C2CD3: variants seen among roughly 807,000 people sequenced by gnomAD.
The protein encoded by C2CD3 is C2 domain containing 3 centriole elongation regulator.
A neutral mutation model predicts 234.0 loss-of-function variants in C2CD3; 148 were observed. The ratio of observed to expected loss-of-function variants is 0.63; its 90% CI spans 0.55 to 0.72. C2CD3 has a LOEUF of 0.72. Ranked by LOEUF, C2CD3 falls within the 30% of genes least tolerant of loss-of-function variation. The pLI is 0.00. For synonymous variants in C2CD3, 1,000 were observed against 1,035.4 expected (o/e 0.97, Z 0.66); for missense variants, 2,577 against 2,811.5 (o/e 0.92, Z 1.89).
chr11:74,082,324 C>A (rs1418799903), intron 22 of C2CD3, among the ~76,000 whole-genome samples: 1 of 151,998 alleles, frequency 6.6e-6, no homozygotes, highest in Admixed American at 6.6e-5. Context: ...ACCTTGTTAG[C>A]CAGGATGGTC....
At position 74,033,654 on chromosome 11, in the gene C2CD3, G is replaced by A; in HGVS notation, c.6506C>T (p.Ser2169Leu). 6.5e-7 allele frequency: 1 copy of A among 1,536,222 alleles called. No individual in the cohort carries two copies. Among genetic ancestry groups the A allele is most frequent in the Non-Finnish European group, 8.7e-7 (1 of 1,146,922 alleles). Residue 2169 changes from serine (S) to leucine (L), a missense_variant, in exon 31 of 33, where the codon TCA becomes TTA. Ser to Leu is a moderately radical substitution (Grantham distance 145, BLOSUM62 -2). Coordinates refer to ENST00000334126, the MANE Select transcript of C2CD3 (RefSeq NM_001286577.2). ...SKARVGGESA[S>L]ANPQPIPCPT... is the part of the protein sequence containing the mutation. ...GCATGGGATGGGCTGAGGGTTGGCT[G>A]AGGCAGACTCGCCACCAACCCTGGC...
chr11:74,016,609 A>C (rs1325327248), intron 32 of C2CD3: 1 of 152,330 alleles, frequency 6.6e-6, no homozygotes, highest in African/African-American at 2.4e-5. Context: ...ACTCAGCAGC[A>C]TTTTGCTTTT....
intron 7 of C2CD3, among the ~76,000 whole-genome samples, chr11:74,128,098 C>T (rs916374064): frequency 3.9e-5 from 6 of 152,146 alleles, no homozygotes; most frequent in African/African-American, 1.4e-4. Flanking sequence ...CTCCTGACCT[C>T]GTGATCCGCC....
chr11:74,130,460 C>T (rs572179159), intron 7 of C2CD3, among the ~76,000 whole-genome samples: 1 of 152,118 alleles, frequency 6.6e-6, no homozygotes, highest in African/African-American at 2.4e-5. Flanking sequence ...TCTCAAACTC[C>T]TGGCCTCAAA....
At chr11:74,147,160 A>T (rs1855262979) in intron 3 of C2CD3, among the ~76,000 whole-genome samples, 1 of 152,206 alleles carries the variant, frequency 6.6e-6, no homozygotes, top group Admixed American at 6.5e-5. Flanking sequence ...TCACACAAAT[A>T]ATTCCAGCAT....
At chr11:74,137,567 T>TTA (rs201223239) in intron 5 of C2CD3, among the ~76,000 whole-genome samples, 1,839 of 149,516 alleles carry the variant, frequency 0.012, 36 homozygotes, top group African/African-American at 0.041. Context: ...TTTTGGAATT[T>TTA]TATATATATA....
chr11:74,082,080 T>C (rs1353833529), intron 22 of C2CD3, among the ~76,000 whole-genome samples: 1 of 151,988 alleles, frequency 6.6e-6, no homozygotes, highest in Non-Finnish European at 1.5e-5. Context: ...TCAAAGGGAA[T>C]GCTTCCAGTT....
At position 74,042,104 on chromosome 11, in the gene C2CD3, T is replaced by G; in HGVS notation, c.5610A>C (p.Lys1870Asn). 6.2e-7 allele frequency: 1 copy of G among 1,613,946 alleles called. No homozygotes were observed. ...GGGAGGACAAAGGTGATGTGGTCAG[T>G]TTGTCATCACATGGCAAGGGTGCCT... Reference protein sequence around the residue: ...QGEAPLPCDDKLTTSPLSSQT... With the variant: ...QGEAPLPCDDNLTTSPLSSQT... The change falls in exon 29 of 33, where the codon AAA (lysine) becomes AAC (asparagine). Residue 1870 changes from lysine (K) to asparagine (N), a missense_variant. Coordinates refer to ENST00000334126, the MANE Select transcript of C2CD3 (RefSeq NM_001286577.2).
At chr11:74,139,538 A>C in intron 4 of C2CD3, 67 bp downstream of exon 4, 1 of 1,124,980 alleles carries the variant, frequency 8.9e-7, no homozygotes, top group East Asian at 2.4e-5. Context: ...ACCATAAATG[A>C]AAGACAGAAA....
intron 3 of C2CD3, among the ~76,000 whole-genome samples, chr11:74,157,244 A>G (rs899068218): frequency 6.6e-6 from 1 of 152,222 alleles, no homozygotes; most frequent in Non-Finnish European, 1.5e-5. Flanking sequence ...TGTATTTCCA[A>G]TACTAGACTG....
intron 7 of C2CD3, chr11:74,128,586 C>G (rs1187690100): frequency 5.9e-5 from 9 of 151,684 alleles, no homozygotes; most frequent in Admixed American, 2.0e-4. Context: ...TTGGGTGTTT[C>G]TCGCAGAGGG....
intron 1 of C2CD3, among the ~76,000 whole-genome samples, chr11:74,170,410 T>C (rs1329720460): frequency 6.6e-6 from 1 of 152,178 alleles, no homozygotes; most frequent in African/African-American, 2.4e-5. Flanking sequence ...TTTCTTCCTG[T>C]CCCTGTGGAC....
At chr11:74,033,286 A>C (rs1952595665) in intron 31 of C2CD3, 65 bp downstream of exon 31, 1 of 1,389,844 alleles carries the variant, frequency 7.2e-7, no homozygotes, top group Non-Finnish European at 9.7e-7. Flanking sequence ...CCACTTGCTC[A>C]CACTCACACT....
At chr11:74,080,044 G>A (rs1402459542) in intron 22 of C2CD3, among the ~76,000 whole-genome samples, 2 of 152,064 alleles carry the variant, frequency 1.3e-5, no homozygotes, top group East Asian at 3.9e-4. Flanking sequence ...ACATAAATAG[G>A]CAGTTGCCTA....
chr11:74,017,846 G>A (rs1248999439), intron 32 of C2CD3, among the ~76,000 whole-genome samples: 1 of 152,224 alleles, frequency 6.6e-6, no homozygotes, highest in Non-Finnish European at 1.5e-5. Flanking sequence ...TCTGATCCCA[G>A]CCACTGTGTT....
rs756615167 is a variant in C2CD3, at chr11:74,042,091, G to A, written c.5623C>T (p.Pro1875Ser). The change falls in exon 29 of 33, where the codon CCT (proline) becomes TCT (serine). Residue 1875 changes from proline to serine, a missense_variant. By Grantham distance (74) the Pro-to-Ser change is moderately conservative. Transcript: ENST00000334126. Reference sequence around the variant, plus strand: ...AGAATGGAGGTTTGGGAGGACAAAGGTGATGTGGTCAGTTTGTCATCACAT... The same window carrying A: ...AGAATGGAGGTTTGGGAGGACAAAGATGATGTGGTCAGTTTGTCATCACAT... ...LPCDDKLTTS[P>S]LSSQTSILTS... 1.2e-6 allele frequency: 2 copies of A among 1,614,050 alleles called. No homozygotes were observed. Among genetic ancestry groups the A allele is most frequent in the Non-Finnish European group, 1.7e-6 (2 of 1,179,998 alleles).
intron 31 of C2CD3, 116 bp from the exon 32 acceptor site, chr11:74,028,514 C>A (rs1952397654): frequency 4.5e-6 from 3 of 673,044 alleles, no homozygotes; most frequent in Non-Finnish European, 7.4e-6. Context: ...CTCAACTATT[C>A]TTGTCCATAA....
At chr11:74,113,334 T>C (rs1956807125) in intron 11 of C2CD3, 1 of 166,586 alleles carries the variant, frequency 6.0e-6, no homozygotes, top group African/African-American at 2.4e-5. Context: ...GGGTTTCTTT[T>C]AGGGGGGATG....
At chr11:74,036,208 C>G (rs1952736559) in intron 30 of C2CD3, 2 of 306,766 alleles carry the variant, frequency 6.5e-6, no homozygotes, top group Non-Finnish European at 1.3e-5. Flanking sequence ...AGAAAGATTC[C>G]CCTATTTGTT....
Sources: gnomAD v4.1 joint callset for allele counts (sites outside exome capture counted in the v4.1 genomes callset) on GRCh38, gnomAD v4.1.1 for gene constraint, MANE v1.5 for transcripts, NCBI Gene and HGNC (gene_info 2026-07-23, HGNC 2026-07-21) for gene names.